Variants in STAU2 observed in about 807,000 individuals in gnomAD.
STAU2 encodes double-stranded RNA-binding protein Staufen homolog 2.
Under a neutral mutation model 65.9 loss-of-function variants are expected in STAU2, and 20 were observed. That is an observed-to-expected ratio of 0.30 (90% CI 0.21 to 0.44). The LOEUF is 0.44. Among genes scored for constraint, STAU2 ranks in the 20% least tolerant of loss-of-function variants. The pLI, the probability that STAU2 is intolerant of heterozygous loss-of-function variation, is 1.00. For missense variants in STAU2, 558 were observed against 683.9 expected (o/e 0.82, Z 2.05); for synonymous variants, 232 against 233.9 (o/e 0.99, Z 0.07).
chr8:73,534,014 T>C (rs911876847), intron 13 of STAU2, among the ~76,000 whole-genome samples: 1 of 152,052 alleles, frequency 6.6e-6, no homozygotes, highest in Admixed American at 6.5e-5. Context: ...ATGAGGAGGG[T>C]ATAAAAAAGA....
At chr8:73,514,384 C>T (rs149393358) in intron 13 of STAU2, among the ~76,000 whole-genome samples, 12 of 152,288 alleles carry the variant, frequency 7.9e-5, no homozygotes, top group South Asian at 2.1e-4. Flanking sequence ...GAATGAAGAA[C>T]GGCTCTTTGT....
chr8:73,487,181 C>T lies in STAU2; in HGVS notation c.1531-64479G>A, dbSNP rs78161030. On this transcript the variant is annotated intron_variant, in intron 13 of 14. Transcript: ENST00000524300. ...AGAACACTCTTGTCTATCAGGCTGC[C>T]AGTGCTATCTGTGGGTCAGTTAGGA... Among the ~76,000 whole-genome samples, 228 of 152,138 alleles carry T rather than the reference C, an allele frequency of 1.5e-3. 7 individuals are homozygous for T. The East Asian group carries it at 0.039, about 26-fold the overall frequency.
chr8:73,690,749 G>C (rs1819275853), intron 4 of STAU2, among the ~76,000 whole-genome samples: 1 of 152,098 alleles, frequency 6.6e-6, no homozygotes, highest in Non-Finnish European at 1.5e-5. Context: ...CATTTTTTCT[G>C]TAGATTTTTA....
At chr8:73,659,580 G>C (rs1380999786) in intron 6 of STAU2, among the ~76,000 whole-genome samples, 1 of 152,094 alleles carries the variant, frequency 6.6e-6, no homozygotes, top group Non-Finnish European at 1.5e-5. Flanking sequence ...ATTGTACCCA[G>C]ATTTTTTTTT....
chr8:73,659,690 C>G (rs901005391), intron 6 of STAU2, among the ~76,000 whole-genome samples: 2 of 151,858 alleles, frequency 1.3e-5, no homozygotes, highest in African/African-American at 4.8e-5. Flanking sequence ...CAAAATAAAC[C>G]AAGTATTTTT....
chr8:73,603,421 T>G (rs532361780), intron 10 of STAU2, among the ~76,000 whole-genome samples: 3 of 152,344 alleles, frequency 2.0e-5, no homozygotes, highest in Admixed American at 2.0e-4. Flanking sequence ...TTCCCAGTAG[T>G]TAACAGACTC....
At chr8:73,691,063 G>C (rs1819293713) in intron 4 of STAU2, among the ~76,000 whole-genome samples, 1 of 152,048 alleles carries the variant, frequency 6.6e-6, no homozygotes, top group African/African-American at 2.4e-5. Flanking sequence ...CCACATAAAT[G>C]ACCTTGAGAT....
intron 6 of STAU2, among the ~76,000 whole-genome samples, chr8:73,633,116 A>T (rs7828758): frequency 0.19 from 29,306 of 152,154 alleles, 3,074 homozygotes; most frequent in East Asian, 0.37. Flanking sequence ...ATATCTGTTA[A>T]ATGAAGGAGA....
chr8:73,547,942 C>T (rs1246691643), intron 13 of STAU2, among the ~76,000 whole-genome samples: 1 of 151,462 alleles, frequency 6.6e-6, no homozygotes, highest in Non-Finnish European at 1.5e-5. Flanking sequence ...TATGGTATAA[C>T]CATTATTTAT....
At chr8:73,612,823 C>T (rs1812572670) in intron 9 of STAU2, among the ~76,000 whole-genome samples, 1 of 152,106 alleles carries the variant, frequency 6.6e-6, no homozygotes, top group African/African-American at 2.4e-5. Context: ...CAGAAGAAGG[C>T]TGCTAAATCA....
chr8:73,613,357 G>C (rs895949056), intron 9 of STAU2, among the ~76,000 whole-genome samples: 29 of 152,290 alleles, frequency 1.9e-4, no homozygotes, highest in African/African-American at 6.5e-4. Context: ...CAGGAGGTTT[G>C]ACATGATTGC....
intron 6 of STAU2, among the ~76,000 whole-genome samples, chr8:73,640,141 T>C (rs1192184262): frequency 2.0e-5 from 3 of 152,088 alleles, no homozygotes; most frequent in Non-Finnish European, 2.9e-5. Context: ...TATAAAATTA[T>C]TCAAGATTTA....
At chr8:73,715,941 GTC>G (rs1821219388) in intron 3 of STAU2, among the ~76,000 whole-genome samples, 1 of 152,004 alleles carries the variant, frequency 6.6e-6, no homozygotes, top group Admixed American at 6.6e-5. Flanking sequence ...TTGAGACGGA[GTC>G]TCACTCTGTC....
chr8:73,556,976 T>C (rs2128946673), intron 12 of STAU2, among the ~76,000 whole-genome samples: 1 of 152,312 alleles, frequency 6.6e-6, no homozygotes, highest in Admixed American at 6.5e-5. Flanking sequence ...GAGTGTCATA[T>C]TACTGATTTT....
At chr8:73,586,956 A>T (rs1810419968) in intron 11 of STAU2, among the ~76,000 whole-genome samples, 1 of 152,186 alleles carries the variant, frequency 6.6e-6, no homozygotes. Context: ...TTAAAGAAAT[A>T]AGAAATTTCT....
At chr8:73,566,684 A>G (rs1244532086) in intron 12 of STAU2, among the ~76,000 whole-genome samples, 1 of 152,146 alleles carries the variant, frequency 6.6e-6, no homozygotes, top group Non-Finnish European at 1.5e-5. Context: ...TTTAACTAAG[A>G]GTGTCTTTAG....
At chr8:73,721,457 A>G (rs910151546) in intron 3 of STAU2, among the ~76,000 whole-genome samples, 1 of 152,164 alleles carries the variant, frequency 6.6e-6, no homozygotes, top group Non-Finnish European at 1.5e-5. Context: ...CAAGTCTACT[A>G]TATCTTTGAT....
intron 13 of STAU2, among the ~76,000 whole-genome samples, chr8:73,464,565 C>T (rs949166942): frequency 6.6e-6 from 1 of 151,604 alleles, no homozygotes; most frequent in Non-Finnish European, 1.5e-5. Flanking sequence ...TTTAAATACG[C>T]ACACACAGAA....
intron 13 of STAU2, chr8:73,550,204 C>A (rs1238255242): frequency 3.0e-6 from 3 of 984,990 alleles, no homozygotes; most frequent in African/African-American, 1.7e-5. Context: ...TCACAATACA[C>A]AGATTTGGAA....
Sources: gnomAD v4.1 joint callset for allele counts (sites outside exome capture counted in the v4.1 genomes callset) on GRCh38, gnomAD v4.1.1 for gene constraint, MANE v1.5 for transcripts, NCBI Gene and HGNC (gene_info 2026-07-23, HGNC 2026-07-21) for gene names.